The following ARHGAP6 variants were observed in gnomAD, a reference collection of about 807,000 sequenced individuals.
ARHGAP6 encodes rho GTPase-activating protein 6.
A neutral mutation model predicts 55.7 loss-of-function variants in ARHGAP6; 16 were observed. That is an observed-to-expected ratio of 0.29 (90% CI 0.19 to 0.44). ARHGAP6 has a LOEUF of 0.44. Among genes scored for constraint, ARHGAP6 ranks in the 20% least tolerant of loss-of-function variants. The pLI is 1.00. For synonymous variants in ARHGAP6, 382 were observed against 360.9 expected (o/e 1.06, Z -0.66); for missense variants, 698 against 808.9 (o/e 0.86, Z 1.66).
chrX:11,412,560 A>G (rs1170405479), intron 1 of ARHGAP6, among the ~76,000 whole-genome samples: 1 of 112,340 alleles, frequency 8.9e-6, no homozygotes, highest in Non-Finnish European at 1.9e-5. Flanking sequence ...ATCACTTTTC[A>G]TAGCAACATG....
intron 11 of ARHGAP6, 62 bp downstream of exon 11, chrX:11,143,918 C>T (rs1238036607): frequency 8.3e-7 from 1 of 1,211,373 alleles, no homozygotes; most frequent in Admixed American, 2.2e-5. Flanking sequence ...CACACCATGC[C>T]ACATGCAACA....
intron 1 of ARHGAP6, among the ~76,000 whole-genome samples, chrX:11,421,268 G>C (rs144791833): frequency 7.8e-4 from 88 of 112,658 alleles, no homozygotes; most frequent in African/African-American, 2.7e-3. Flanking sequence ...GATATCTACT[G>C]AGATACAATT....
intron 12 of ARHGAP6, among the ~76,000 whole-genome samples, chrX:11,140,988 C>T (rs759152017): frequency 9.0e-6 from 1 of 111,388 alleles, no homozygotes; most frequent in South Asian, 3.8e-4. Flanking sequence ...ATAGCTGAAA[C>T]AGGTGACAGC....
At chrX:11,307,218 C>G (rs746773443) in intron 1 of ARHGAP6, among the ~76,000 whole-genome samples, 11 of 111,314 alleles carry the variant, frequency 9.9e-5, no homozygotes, top group Admixed American at 4.8e-4. Flanking sequence ...TGAACACACA[C>G]TCAACGCATA....
At chrX:11,164,764 TAAG>T (rs754363326) in intron 9 of ARHGAP6, among the ~76,000 whole-genome samples, 2 of 112,213 alleles carry the variant, frequency 1.8e-5, no homozygotes, top group African/African-American at 6.5e-5. Flanking sequence ...GCCCCTCTCC[TAAG>T]AAGAAGTCCT....
intron 1 of ARHGAP6, among the ~76,000 whole-genome samples, chrX:11,313,393 T>G (rs777793221): frequency 1.8e-5 from 2 of 112,524 alleles, no homozygotes; most frequent in African/African-American, 6.5e-5. Context: ...CTCTCTTTCC[T>G]CCTGTTCTTC....
chrX:11,404,547 A>G (rs983729003), intron 1 of ARHGAP6, among the ~76,000 whole-genome samples: 1 of 112,056 alleles, frequency 8.9e-6, no homozygotes, highest in Non-Finnish European at 1.9e-5. Context: ...AACAGGAACC[A>G]AATTTTCTTT....
intron 4 of ARHGAP6, among the ~76,000 whole-genome samples, chrX:11,187,084 C>T (rs2147344672): frequency 9.0e-6 from 1 of 111,415 alleles, no homozygotes; most frequent in African/African-American, 3.3e-5. Context: ...CTATCCCTAT[C>T]AAGTGAGAGA....
At chrX:11,401,633 T>A (rs1288404377) in intron 1 of ARHGAP6, among the ~76,000 whole-genome samples, 1 of 111,134 alleles carries the variant, frequency 9.0e-6, no homozygotes, top group Non-Finnish European at 1.9e-5. Flanking sequence ...TGCCCCCAGT[T>A]GAGAGCCACA....
At chrX:11,378,858 C>T (rs1039227583) in intron 1 of ARHGAP6, among the ~76,000 whole-genome samples, 5 of 112,693 alleles carry the variant, frequency 4.4e-5, no homozygotes, top group Non-Finnish European at 7.5e-5. Flanking sequence ...GATTATTTCT[C>T]AATAAGCGTG....
chrX:11,207,582 G>T (rs1390390650), intron 2 of ARHGAP6, among the ~76,000 whole-genome samples: 2 of 111,444 alleles, frequency 1.8e-5, no homozygotes, highest in African/African-American at 6.5e-5. Flanking sequence ...CTCTATCTAT[G>T]GGTCATTGCA....
intron 1 of ARHGAP6, chrX:11,293,545 T>C (rs1373286365): frequency 8.9e-6 from 1 of 112,220 alleles, no homozygotes; most frequent in East Asian, 2.8e-4. Flanking sequence ...TTAAAAGATA[T>C]AAATGTATTC....
intron 1 of ARHGAP6, among the ~76,000 whole-genome samples, chrX:11,603,524 A>AG (rs2052001253): frequency 9.0e-6 from 1 of 111,454 alleles, no homozygotes; most frequent in South Asian, 3.7e-4. Flanking sequence ...GCATGTGTAG[A>AG]GGGGGATGCT....
chrX:11,353,627 C>T (rs1489399625), intron 1 of ARHGAP6, among the ~76,000 whole-genome samples: 1 of 104,372 alleles, frequency 9.6e-6, no homozygotes, highest in Non-Finnish European at 2.0e-5. Flanking sequence ...TCTGAGCCAA[C>T]TTGTCCCAAG....
At chrX:11,153,384 G>A (rs985356831) in intron 10 of ARHGAP6, among the ~76,000 whole-genome samples, 3 of 108,917 alleles carry the variant, frequency 2.8e-5, no homozygotes, top group Non-Finnish European at 3.8e-5. Context: ...AATTAGCCAG[G>A]TGTGGTGGCA....
At chrX:11,265,552 G>T in intron 1 of ARHGAP6, 1 of 362,180 alleles carries the variant, frequency 2.8e-6, no homozygotes, top group East Asian at 2.0e-4. Context: ...ACAGTTTTTA[G>T]CTGTCACACA....
intron 1 of ARHGAP6, among the ~76,000 whole-genome samples, chrX:11,431,390 C>T (rs2049939388): frequency 1.8e-5 from 2 of 112,783 alleles, no homozygotes; most frequent in African/African-American, 3.2e-5. Flanking sequence ...TTTATTCTGC[C>T]TGCCTATAGG....
At position 11,169,581 on chromosome X, in the gene ARHGAP6, G is replaced by A. The variant is rs1046763319; in HGVS notation, c.1733C>T (p.Ser578Leu). 2 of 1,206,580 alleles carry A rather than the reference G, an allele frequency of 1.7e-6. No individual in the cohort carries two copies. Among genetic ancestry groups the A allele is most frequent in the East Asian group, 3.0e-5 (1 of 33,552 alleles). The change falls in exon 9 of 13, where the codon TCA (serine) becomes TTA (leucine). Residue 578 changes from serine (S) to leucine (L), a missense_variant. By Grantham distance (145) the Ser-to-Leu change is moderately radical. Transcript: ENST00000337414. ...GGCCGTGCTCTCCTCAGCCCGGGCT[G>A]AACTCTGAACTGAGAATTCTTTGTC... Reference protein sequence around the residue: ...SSDKEFSVQSSARAEESTAII... With the variant: ...SSDKEFSVQSLARAEESTAII...
chrX:11,202,027 G>GTGTGTGTGTA (rs2046633230), intron 2 of ARHGAP6, among the ~76,000 whole-genome samples: 1 of 104,677 alleles, frequency 9.6e-6, no homozygotes, highest in African/African-American at 3.5e-5. Context: ...GTGTGTGTGT[G>GTGTGTGTGTA]TGTGTGTGTG....
Sources: gnomAD v4.1 joint callset for allele counts (sites outside exome capture counted in the v4.1 genomes callset) on GRCh38, gnomAD v4.1.1 for gene constraint, MANE v1.5 for transcripts, NCBI Gene and HGNC (gene_info 2026-07-23, HGNC 2026-07-21) for gene names.